Variants in SLC13A1 observed in about 807,000 individuals in gnomAD.
SLC13A1 encodes Na(+)/sulfate cotransporter.
In SLC13A1, 65 loss-of-function variants were observed where a neutral mutation model predicts 70.0. That is an observed-to-expected ratio of 0.93 (90% CI 0.76 to 1.14). The LOEUF (loss-of-function observed/expected upper bound fraction) is 1.14. Ranked by LOEUF, SLC13A1 falls within the 50% of genes most tolerant of loss-of-function variation. SLC13A1 has a pLI of 0.00. For synonymous variants in SLC13A1, 275 were observed against 250.5 expected (o/e 1.10, Z -0.92); for missense variants, 726 against 717.8 (o/e 1.01, Z -0.13).
chr7:123,189,035 A>C lies in SLC13A1; in HGVS notation c.100-7934T>G, dbSNP rs1256016648. The stretch of plus-strand genomic sequence containing the variant: ...GAGGCTGAGGCAGGAGAATGGCGTG[A>C]ACCCGGGAGGCGGAGCTTGCAGTGA... On this transcript the variant is annotated intron_variant, in intron 1 of 14. Coordinates refer to ENST00000194130, the MANE Select transcript of SLC13A1 (RefSeq NM_022444.4). Among the ~76,000 whole-genome samples, 3 of 142,848 alleles carry C rather than the reference A, an allele frequency of 2.1e-5. No individual in the cohort carries two copies. In the East Asian group the frequency reaches 6.4e-4, roughly 30 times the overall value. 93.7% of individuals were successfully genotyped at this position (142,848 alleles called of 152,430 possible).
chr7:123,113,553 A>G lies in SLC13A1; in HGVS notation c.*1965T>C, dbSNP rs557039019. 5.4e-4 allele frequency: 82 copies of G among 152,304 alleles called. No individual in the cohort carries two copies. Among genetic ancestry groups the G allele is most frequent in the African/African-American group, 1.8e-3 (74 of 41,588 alleles). 9.4% of individuals were successfully genotyped at this position (152,304 alleles called of 1,614,324 possible). On this transcript the variant is annotated 3_prime_UTR_variant, in exon 15 of 15. Coordinates refer to ENST00000194130, the MANE Select transcript of SLC13A1 (RefSeq NM_022444.4). Reference sequence around the variant, plus strand: ...TCATTATAATTTGAAAAGTCATTTTATTTTTTCATAATAAAAATGCATCCA... The same window carrying G: ...TCATTATAATTTGAAAAGTCATTTTGTTTTTTCATAATAAAAATGCATCCA...
chr7:123,181,431 C>T (rs550519345), intron 1 of SLC13A1, among the ~76,000 whole-genome samples: 15 of 152,202 alleles, frequency 9.9e-5, no homozygotes, highest in Non-Finnish European at 1.8e-4. Context: ...CTATAAAATG[C>T]ACTCCCCCAT....
At chr7:123,122,639 T>C (rs1793422000) in intron 12 of SLC13A1, among the ~76,000 whole-genome samples, 2 of 152,160 alleles carry the variant, frequency 1.3e-5, no homozygotes, top group East Asian at 1.9e-4. Flanking sequence ...CTCCAGACTT[T>C]ATTCAATAAA....
chr7:123,146,168 C>A (rs1357660267), intron 7 of SLC13A1, among the ~76,000 whole-genome samples: 1 of 152,168 alleles, frequency 6.6e-6, no homozygotes, highest in East Asian at 1.9e-4. Flanking sequence ...ACCCTATCAA[C>A]TGTGACTATT....
At position 123,168,414 on chromosome 7, in the gene SLC13A1, T is replaced by C. The variant is rs1795141414; in HGVS notation, c.620A>G (p.Asn207Ser). 6.3e-7 allele frequency: 1 copy of C among 1,594,874 alleles called. No individual in the cohort carries two copies. Residue 207 changes from asparagine to serine, a missense_variant, in exon 6 of 15, where the codon AAT becomes AGT. Asn to Ser is a conservative substitution (Grantham distance 46). Coordinates refer to ENST00000194130, the MANE Select transcript of SLC13A1 (RefSeq NM_022444.4). ...CTTGCTTGAAATTTTCCCTGTATCA[T>C]TATTGTATCTGAAAAATACATTGAT... ...EKTKPVPGYN[N>S]DTGKISSKVE...
chr7:123,150,574 C>T (rs1332701724), intron 6 of SLC13A1, among the ~76,000 whole-genome samples: 1 of 152,134 alleles, frequency 6.6e-6, no homozygotes, highest in Non-Finnish European at 1.5e-5. Context: ...TGTTTACATT[C>T]ACTGACTCCA....
At chr7:123,151,386 G>GTATATA (rs1554548261) in intron 6 of SLC13A1, among the ~76,000 whole-genome samples, 8 of 145,850 alleles carry the variant, frequency 5.5e-5, no homozygotes, top group African/African-American at 1.5e-4. Flanking sequence ...GTGTGTGTGT[G>GTATATA]TATATATATA....
chr7:123,157,284 G>C (rs777202132), intron 6 of SLC13A1, among the ~76,000 whole-genome samples: 1 of 152,034 alleles, frequency 6.6e-6, no homozygotes, highest in Admixed American at 6.6e-5. Flanking sequence ...TAAAATTGAA[G>C]TTATCGGTAA....
At chr7:123,121,985 T>C (rs1370087319) in intron 12 of SLC13A1, among the ~76,000 whole-genome samples, 2 of 152,080 alleles carry the variant, frequency 1.3e-5, no homozygotes, top group Non-Finnish European at 2.9e-5. Context: ...TATATTGAGA[T>C]TTTTATAGCA....
chr7:123,141,100 A>G (rs894750020), intron 7 of SLC13A1, among the ~76,000 whole-genome samples: 1 of 151,610 alleles, frequency 6.6e-6, no homozygotes, highest in Non-Finnish European at 1.5e-5. Flanking sequence ...AGATTTTGAT[A>G]TGTTGTGTTT....
rs764539209 is a variant in SLC13A1, at chr7:123,181,081, T to G, written c.120A>C (p.Thr40=). 25 of 1,605,428 alleles carry G rather than the reference T, an allele frequency of 1.6e-5. No homozygotes were observed. The highest frequency in any genetic ancestry group is 2.0e-5 in the Non-Finnish European group (23 of 1,175,962). ...LHTKEAECAY[T]LFVVATFWLT... Reference sequence around the variant, plus strand: ...GCCAAAATGTGGCGACCACAAAGAGTGTGTAGGCACATTCTGCTTCCTGGT... The same window carrying G: ...GCCAAAATGTGGCGACCACAAAGAGGGTGTAGGCACATTCTGCTTCCTGGT... The change falls in exon 2 of 15, where the codon ACA becomes ACC. Residue 40 remains threonine, a synonymous_variant. Coordinates refer to ENST00000194130, the MANE Select transcript of SLC13A1 (RefSeq NM_022444.4).
intron 2 of SLC13A1, among the ~76,000 whole-genome samples, chr7:123,177,799 T>A (rs1291675428): frequency 6.6e-6 from 1 of 152,138 alleles, no homozygotes; most frequent in Non-Finnish European, 1.5e-5. Context: ...TGTTGCATCT[T>A]TTCCATAGCA....
At chr7:123,158,270 T>C (rs1487347031) in intron 6 of SLC13A1, among the ~76,000 whole-genome samples, 1 of 151,560 alleles carries the variant, frequency 6.6e-6, no homozygotes, top group Non-Finnish European at 1.5e-5. Context: ...GAGAAGCAAT[T>C]GAAAATATGA....
chr7:123,113,572 G>T lies in SLC13A1; in HGVS notation c.*1946C>A, dbSNP rs1793073500. On this transcript the variant is annotated 3_prime_UTR_variant, in exon 15 of 15. Coordinates refer to ENST00000194130, the MANE Select transcript of SLC13A1 (RefSeq NM_022444.4). ...CATTTTATTTTTTCATAATAAAAAT[G>T]CATCCATGATCTGATGCAATTCAGC... 3 of 152,078 alleles carry T rather than the reference G, an allele frequency of 2.0e-5. No homozygotes were observed. Among genetic ancestry groups the T allele is most frequent in the Admixed American group, 6.6e-5 (1 of 15,260 alleles). The allele number at this position is 152,078 out of a possible 1,614,324, so 9.4% of individuals were successfully genotyped here. A position where few individuals can be genotyped will look rare whatever the true frequency, so the allele number is the denominator to read the frequency against.
At chr7:123,194,928 CT>C (rs752302346) in intron 1 of SLC13A1, among the ~76,000 whole-genome samples, 1 of 152,092 alleles carries the variant, frequency 6.6e-6, no homozygotes, top group Non-Finnish European at 1.5e-5. Context: ...GGTTTATCCA[CT>C]TTTTAATTAC....
At chr7:123,178,017 T>C (rs376355258) in intron 2 of SLC13A1, among the ~76,000 whole-genome samples, 49 of 149,032 alleles carry the variant, frequency 3.3e-4, no homozygotes, top group Middle Eastern at 3.4e-3. Context: ...ATCTCTCTCT[T>C]TCTCTCTCTC....
At chr7:123,124,912 C>T (rs965948937) in intron 11 of SLC13A1, among the ~76,000 whole-genome samples, 4 of 152,038 alleles carry the variant, frequency 2.6e-5, no homozygotes, top group East Asian at 1.9e-4. Context: ...GATCCTCCTG[C>T]GTTGGCCTCC....
chr7:123,199,877 G>C lies in SLC13A1; in HGVS notation c.70C>G (p.Leu24Val). 6.2e-7 allele frequency: 1 copy of C among 1,612,854 alleles called. No individual in the cohort carries two copies. The highest frequency in any genetic ancestry group is 8.5e-7 in the Non-Finnish European group (1 of 1,179,154). The change falls in exon 1 of 15, where the codon CTA (leucine) becomes GTA (valine). Residue 24 changes from leucine to valine, a missense_variant. Coordinates refer to ENST00000194130, the MANE Select transcript of SLC13A1 (RefSeq NM_022444.4). ...GTGTGGAGGACGATGGGCAGAGGTA[G>C]TAAAACCAACACAGTGAAAACCACG... is the stretch of plus-strand genomic sequence containing the variant. ...LFVVFTVLVL[L>V]PLPIVLHTKE...
intron 7 of SLC13A1, among the ~76,000 whole-genome samples, chr7:123,139,003 G>A (rs542582892): frequency 6.6e-6 from 1 of 152,152 alleles, no homozygotes; most frequent in South Asian, 2.1e-4. Context: ...GACCTATGTA[G>A]TAGAGAGTTT....
Sources: allele counts gnomAD v4.1 joint callset (sites outside exome capture counted in the v4.1 genomes callset), GRCh38; gene constraint gnomAD v4.1.1; transcripts MANE v1.5; gene names NCBI Gene and HGNC (gene_info 2026-07-23, HGNC 2026-07-21).